The following ST7 variants were observed in gnomAD, a reference collection of about 807,000 sequenced individuals.
ST7 encodes suppression of tumorigenicity 7.
A neutral mutation model predicts 78.7 loss-of-function variants in ST7; 28 were observed. The observed-to-expected ratio is 0.36, with a 90% CI of 0.26 to 0.49. The LOEUF (loss-of-function observed/expected upper bound fraction) is 0.49, where lower values mean the gene tolerates loss of function less well. Among genes scored for constraint, ST7 ranks in the 20% least tolerant of loss-of-function variants. The pLI is 0.99. For missense variants in ST7, 418 were observed against 696.0 expected (o/e 0.60, Z 4.49); for synonymous variants, 247 against 249.6 (o/e 0.99, Z 0.10).
intron 9 of ST7, chr7:117,146,625 G>A (rs1805812600): frequency 6.6e-6 from 1 of 152,184 alleles, no homozygotes; most frequent in Admixed American, 6.6e-5. Context: ...CAGAGAAGGT[G>A]GTGTGAAGTG....
At chr7:117,184,535 A>G (rs945006531) in intron 10 of ST7, among the ~76,000 whole-genome samples, 1 of 152,180 alleles carries the variant, frequency 6.6e-6, no homozygotes. Context: ...CATTTTATCC[A>G]TTTCCGTAGT....
intron 1 of ST7, among the ~76,000 whole-genome samples, chr7:116,970,359 C>G (rs912294878): frequency 3.3e-5 from 5 of 152,202 alleles, no homozygotes; most frequent in Admixed American, 2.6e-4. Context: ...TTAGGCTACT[C>G]TAACAAATAT....
intron 1 of ST7, among the ~76,000 whole-genome samples, chr7:117,027,457 T>TAAAGTAAAAGTAAAAGTA (rs202245101): frequency 3.3e-5 from 4 of 121,936 alleles, no homozygotes; most frequent in African/African-American, 1.4e-4. Context: ...AAAAGTAAAG[T>TAAAGTAAAAGTAAAAGTA]AAAGTAAAAG....
intron 1 of ST7, 73 bp downstream of exon 1, chr7:116,953,764 G>A (rs1488726279): frequency 5.3e-6 from 6 of 1,137,290 alleles, no homozygotes; most frequent in Non-Finnish European, 6.6e-6. Context: ...CTCGCGCGGG[G>A]CCGCGGCCAG....
chr7:117,081,852 A>G (rs1162226015), intron 1 of ST7, among the ~76,000 whole-genome samples: 2 of 152,140 alleles, frequency 1.3e-5, no homozygotes, highest in African/African-American at 4.8e-5. Context: ...TCAGTAGGCT[A>G]CACACACATA....
chr7:117,221,516 C>T (rs956655830), intron 14 of ST7, among the ~76,000 whole-genome samples: 1 of 151,866 alleles, frequency 6.6e-6, no homozygotes, highest in South Asian at 2.1e-4. Flanking sequence ...ACCTTTTTTC[C>T]CTGTATACTC....
chr7:117,044,091 C>T (rs539410206), intron 1 of ST7, among the ~76,000 whole-genome samples: 4 of 152,250 alleles, frequency 2.6e-5, no homozygotes, highest in South Asian at 2.1e-4. Flanking sequence ...TCCCTGGGAT[C>T]GGTTCTTAAA....
At chr7:116,958,162 ATTTTTTTTTT>A (rs34132237) in intron 1 of ST7, among the ~76,000 whole-genome samples, 9 of 95,614 alleles carry the variant, frequency 9.4e-5, no homozygotes, top group Admixed American at 2.8e-4. Flanking sequence ...TGCGTGGCTA[ATTTTTTTTTT>A]TTTTTTTTTT....
chr7:116,967,345 G>T (rs767969073), intron 1 of ST7: 1 of 471,022 alleles, frequency 2.1e-6, no homozygotes, highest in African/African-American at 2.0e-5. Context: ...CTCCACTTGC[G>T]CTACTCTCAC....
At chr7:117,161,465 C>T (rs572742424) in intron 9 of ST7, among the ~76,000 whole-genome samples, 7 of 151,122 alleles carry the variant, frequency 4.6e-5, no homozygotes, top group Non-Finnish European at 1.0e-4. Flanking sequence ...TCTTTTTTCA[C>T]CTTCTTTTCT....
intron 9 of ST7, chr7:117,146,210 CCTACA>C (rs1176414436): frequency 6.6e-6 from 1 of 152,136 alleles, no homozygotes; most frequent in African/African-American, 2.4e-5. Context: ...TGTGATATCA[CCTACA>C]CTTCTACAGT....
At chr7:117,186,655 C>T (rs1190976338) in intron 10 of ST7, among the ~76,000 whole-genome samples, 1 of 152,224 alleles carries the variant, frequency 6.6e-6, no homozygotes, top group Middle Eastern at 3.2e-3. Flanking sequence ...TTATTCCAAT[C>T]TTTGTGCATA....
At chr7:117,008,321 T>C (rs566376900) in intron 1 of ST7, among the ~76,000 whole-genome samples, 2 of 152,348 alleles carry the variant, frequency 1.3e-5, no homozygotes, top group East Asian at 3.9e-4. Context: ...AGGATTGTAG[T>C]CTGTTTCTTG....
intron 12 of ST7, among the ~76,000 whole-genome samples, chr7:117,209,198 C>T (rs192795298): frequency 3.9e-5 from 6 of 152,226 alleles, no homozygotes; most frequent in African/African-American, 9.6e-5. Context: ...CCCTAGTCTT[C>T]GGGAAAGGAT....
intron 12 of ST7, among the ~76,000 whole-genome samples, chr7:117,204,250 T>G (rs1214226549): frequency 6.6e-6 from 1 of 152,228 alleles, no homozygotes; most frequent in African/African-American, 2.4e-5. Context: ...ATTTTTTTGG[T>G]AGCAAAAATA....
intron 1 of ST7, chr7:117,015,005 G>T (rs1795541518): frequency 3.7e-6 from 5 of 1,335,278 alleles, no homozygotes; most frequent in African/African-American, 1.5e-5. Context: ...CTTCATTATG[G>T]ATTATACAGG....
chr7:117,000,699 G>A (rs910456390), intron 1 of ST7, among the ~76,000 whole-genome samples: 24 of 152,192 alleles, frequency 1.6e-4, no homozygotes, highest in Admixed American at 8.5e-4. Context: ...TGAAGGTTGC[G>A]TGGCAGTACT....
chr7:117,154,458 G>T (rs778749196), intron 9 of ST7, among the ~76,000 whole-genome samples: 1 of 152,216 alleles, frequency 6.6e-6, no homozygotes, highest in Non-Finnish European at 1.5e-5. Context: ...GGGCTAGGAA[G>T]ATGGATCTGG....
At chr7:116,977,558 A>AT (rs964607370) in intron 1 of ST7, among the ~76,000 whole-genome samples, 1 of 152,022 alleles carries the variant, frequency 6.6e-6, no homozygotes, top group African/African-American at 2.4e-5. Flanking sequence ...GTTTTTATAT[A>AT]TTTTTTTATT....
Sources: gnomAD v4.1 joint callset for allele counts (sites outside exome capture counted in the v4.1 genomes callset) on GRCh38, gnomAD v4.1.1 for gene constraint, MANE v1.5 for transcripts, NCBI Gene and HGNC (gene_info 2026-07-23, HGNC 2026-07-21) for gene names.